The following MUC22 variants were observed in gnomAD, a reference collection of about 807,000 sequenced individuals.
MUC22 encodes mucin-22.
A neutral mutation model predicts 40.3 loss-of-function variants in MUC22; 24 were observed. The ratio of observed to expected loss-of-function variants is 0.60; its 90% confidence interval spans 0.43 to 0.84. The LOEUF (loss-of-function observed/expected upper bound fraction) is 0.84. Ranked by LOEUF, MUC22 falls within the 40% of genes least tolerant of loss-of-function variation. MUC22 has a pLI of 0.00. For missense variants in MUC22, 1,926 were observed against 2,130.7 expected, an observed-to-expected ratio of 0.90 and a Z score of 1.89; for synonymous variants, 765 against 844.5, an observed-to-expected ratio of 0.91 and a Z score of 1.63.
chr6:31,022,636 A>G (rs1030095351), intron 1 of MUC22, among the ~76,000 whole-genome samples: 1 of 152,170 alleles, frequency 6.6e-6, no homozygotes, highest in African/African-American at 2.4e-5. Flanking sequence ...GTAGACATAA[A>G]ATGTATGACA....
At chr6:31,033,500 G>GAATACAT in intron 3 of MUC22, among the ~76,000 whole-genome samples, 1 of 152,310 alleles carries the variant, frequency 6.6e-6, no homozygotes, top group East Asian at 1.9e-4. Flanking sequence ...CTCTGGTCTT[G>GAATACAT]ATTGTTCTTT....
exon 2 of MUC22, chr6:31,027,027 G>T: frequency 6.7e-7 from 1 of 1,501,236 alleles, no homozygotes; most frequent in South Asian, 1.2e-5. Context: ...CTACTACAGG[G>T]TTTGAGACAA....
intron 1 of MUC22, among the ~76,000 whole-genome samples, chr6:31,016,880 A>G (rs1232797270): frequency 1.3e-5 from 2 of 152,018 alleles, no homozygotes; most frequent in Admixed American, 1.3e-4. Context: ...GGGGCCCCAC[A>G]CTCTGAGCCT....
intron 3 of MUC22, among the ~76,000 whole-genome samples, chr6:31,033,126 C>T (rs986777998): frequency 6.6e-6 from 1 of 151,794 alleles, no homozygotes; most frequent in Non-Finnish European, 1.5e-5. Flanking sequence ...GATCGTGCCA[C>T]TGCACTCCAG....
At position 31,011,280 on chromosome 6, in the gene MUC22, G is replaced by A. The variant is rs1028836758; in HGVS notation, c.70+504G>A. On this transcript the variant is annotated intron_variant, in intron 1 of 3. Transcript: ENST00000561890. This position sits in a 1 kb window ranked among gnomAD's most constrained non-coding sequence, Gnocchi z 4.5. ...TTTATTGGTGAATTGTGAGACTTTG[G>A]TGCACCCGTCACCAAGCAGTGTACA... is the stretch of plus-strand genomic sequence containing the variant. Among the ~76,000 whole-genome samples the A allele has an allele frequency of 9.9e-5, 15 of 151,932 alleles. No homozygotes were observed. The highest frequency in any genetic ancestry group is 2.1e-4 in the South Asian group (1 of 4,808).
intron 1 of MUC22, among the ~76,000 whole-genome samples, chr6:31,019,583 G>A (rs1764520151): frequency 6.6e-6 from 1 of 152,254 alleles, no homozygotes; most frequent in Non-Finnish European, 1.5e-5. Context: ...GCCGGGTGCG[G>A]TGGCTCACGC....
At chr6:31,017,750 T>G (rs1298076779) in intron 1 of MUC22, among the ~76,000 whole-genome samples, 1 of 138,238 alleles carries the variant, frequency 7.2e-6, no homozygotes, top group East Asian at 2.2e-4. Context: ...GTAAAACCAA[T>G]CGGCGCTCTG....
exon 2 of MUC22, chr6:31,025,616 G>A (rs1765218870): frequency 1.3e-6 from 2 of 1,520,308 alleles, no homozygotes; most frequent in Middle Eastern, 1.7e-4. Flanking sequence ...TTAACTACAG[G>A]CTCTAAGATC....
At chr6:31,013,448 A>G (rs1763988675) in intron 1 of MUC22, among the ~76,000 whole-genome samples, 1 of 151,888 alleles carries the variant, frequency 6.6e-6, no homozygotes, top group Non-Finnish European at 1.5e-5. Flanking sequence ...TTCTTGAAGG[A>G]CTTCCCCACA....
chr6:31,026,283 C>G (rs952820224), exon 2 of MUC22: 1 of 1,516,904 alleles, frequency 6.6e-7, no homozygotes, highest in African/African-American at 1.4e-5. Context: ...TGATTAAAGC[C>G]TCTGAGACCA....
At chr6:31,026,051 A>T in exon 2 of MUC22, 1 of 1,520,402 alleles carries the variant, frequency 6.6e-7, no homozygotes, top group Non-Finnish European at 8.8e-7. Flanking sequence ...GAGGCCACTA[A>T]AGTCTCTACC....
At chr6:31,022,312 G>A (rs1356955222) in intron 1 of MUC22, among the ~76,000 whole-genome samples, 2 of 152,120 alleles carry the variant, frequency 1.3e-5, no homozygotes, top group Non-Finnish European at 2.9e-5. Flanking sequence ...CATGTAATTA[G>A]CCACACCATG....
intron 1 of MUC22, 33 bp from the exon 2 acceptor site, chr6:31,025,469 C>T: frequency 6.9e-7 from 1 of 1,459,256 alleles, no homozygotes; most frequent in Non-Finnish European, 9.0e-7. Context: ...ATCTTTAACC[C>T]ATTCCCACCA....
chr6:31,032,940 C>T lies in MUC22; in HGVS notation c.5055+359C>T, dbSNP rs928062982. Among the ~76,000 whole-genome samples, 2 of 152,100 alleles carry T rather than the reference C, an allele frequency of 1.3e-5. No individual in the cohort carries two copies. Among genetic ancestry groups the T allele is most frequent in the South Asian group, 2.1e-4 (1 of 4,822 alleles). ...CAGCACTTTGGAAGGCCAAGGAGGG[C>T]GGATCACTTGAGTCCAGGCATTTGA... is the stretch of plus-strand genomic sequence containing the variant. On this transcript the variant is annotated intron_variant, in intron 3 of 3. Coordinates refer to ENST00000561890, the Ensembl canonical transcript of MUC22. This position sits in a 1 kb window ranked among gnomAD's most constrained non-coding sequence, Gnocchi z 4.1.
upstream of MUC22, among the ~76,000 whole-genome samples, chr6:31,009,067 C>T (rs1763701083): frequency 1.3e-5 from 2 of 152,136 alleles, no homozygotes; most frequent in Admixed American, 1.3e-4. Flanking sequence ...TAATTATAGT[C>T]TCCATGTGAT....
exon 2 of MUC22, chr6:31,028,511 C>A: frequency 3.3e-6 from 5 of 1,532,744 alleles, no homozygotes; most frequent in Non-Finnish European, 4.4e-6. Flanking sequence ...ACCACCATGG[C>A]ATCCATCATG....
exon 4 of MUC22, chr6:31,035,087 T>A (rs547607232): frequency 1.2e-6 from 1 of 866,522 alleles, no homozygotes; most frequent in Non-Finnish European, 1.7e-6. Context: ...ATAATTAAAA[T>A]GGAGCATAGG....
rs1013037422 is a variant in MUC22, at chr6:31,032,416, G to A, written c.4890G>A (p.Gln1630=). The stretch of plus-strand genomic sequence containing the variant: ...GTGAGCCAACCAGCAGCACCTTCCA[G>A]GAAACAGGCCCGGTGTCCATGGGCA... The change falls in exon 3 of 4, where the codon CAG becomes CAA. Residue 1630 remains glutamine, a synonymous_variant. Coordinates refer to ENST00000561890, the Ensembl canonical transcript of MUC22. The surrounding 1 kb of genome is among the most constrained non-coding windows in gnomAD (Gnocchi z 4.1). 1.3e-6 allele frequency: 2 copies of A among 1,535,628 alleles called. No individual in the cohort carries two copies. The highest frequency in any genetic ancestry group is 2.7e-5 in the African/African-American group (2 of 73,056).
rs116302426 is a variant in MUC22 at position 31,013,004 on chromosome 6, G to A, written c.70+2228G>A. On this transcript the variant is annotated intron_variant, in intron 1 of 3. Transcript: ENST00000561890. Reference sequence around the variant, plus strand: ...GATTCAGTAAGCTTGGTGGGATGGCGTGGGTTCTTCAGACAGTGTGATCCC... The same window carrying A: ...GATTCAGTAAGCTTGGTGGGATGGCATGGGTTCTTCAGACAGTGTGATCCC... 8.6e-3 allele frequency among the ~76,000 whole-genome samples: 1,310 copies of A among 152,020 alleles called. 11 individuals carry two copies. Among genetic ancestry groups the A allele is most frequent in the Non-Finnish European group, 0.016 (1,068 of 67,968 alleles).
Sources: gnomAD v4.1 joint callset for allele counts (sites outside exome capture counted in the v4.1 genomes callset) on GRCh38, gnomAD v4.1.1 for gene constraint, Gnocchi (gnomAD v3.1) non-coding constraint, MANE v1.5 for transcripts, NCBI Gene and HGNC (gene_info 2026-07-23, HGNC 2026-07-21) for gene names.